Variants in KCNIP4 observed in about 807,000 individuals in gnomAD.
The protein encoded by KCNIP4 is potassium voltage-gated channel interacting protein 4.
A neutral mutation model predicts 34.0 loss-of-function variants in KCNIP4; 12 were observed. The observed-to-expected ratio is 0.35, with a 90% CI of 0.23 to 0.57. The LOEUF is 0.57. Ranked by LOEUF, KCNIP4 falls within the 20% of genes least tolerant of loss-of-function variation. The pLI is 0.83. For missense variants in KCNIP4, 238 were observed against 311.7 expected, an observed-to-expected ratio of 0.76 and a Z score of 1.78; for synonymous variants, 124 against 102.2, an observed-to-expected ratio of 1.21 and a Z score of -1.29.
intron 1 of KCNIP4, among the ~76,000 whole-genome samples, chr4:21,748,745 TG>T (rs1481854336): frequency 6.6e-6 from 1 of 152,132 alleles, no homozygotes; most frequent in Non-Finnish European, 1.5e-5. Flanking sequence ...TCATCTGAAC[TG>T]GCAAAGAAAA....
At chr4:21,071,175 G>A (rs1423653974) in intron 1 of KCNIP4, among the ~76,000 whole-genome samples, 1 of 152,026 alleles carries the variant, frequency 6.6e-6, no homozygotes, top group East Asian at 1.9e-4. Flanking sequence ...ACAAGTCCCA[G>A]GTCCTGAAGA....
chr4:20,738,140 A>C (rs1309495285), intron 5 of KCNIP4, among the ~76,000 whole-genome samples: 1 of 152,106 alleles, frequency 6.6e-6, no homozygotes, highest in Non-Finnish European at 1.5e-5. Context: ...AAAAAAAAAA[A>C]AAAAATCCTT....
At chr4:20,944,160 A>G (rs1304810154) in intron 1 of KCNIP4, among the ~76,000 whole-genome samples, 3 of 152,206 alleles carry the variant, frequency 2.0e-5, no homozygotes, top group African/African-American at 7.2e-5. Flanking sequence ...CACATTGACC[A>G]TAGATAGCCC....
intron 3 of KCNIP4, among the ~76,000 whole-genome samples, chr4:20,800,096 A>G (rs1199084343): frequency 6.6e-6 from 1 of 152,224 alleles, no homozygotes; most frequent in Non-Finnish European, 1.5e-5. Flanking sequence ...TCTTGCCATA[A>G]TAACATACAT....
chr4:21,137,315 T>C (rs1201181435), intron 1 of KCNIP4, among the ~76,000 whole-genome samples: 2 of 152,194 alleles, frequency 1.3e-5, no homozygotes, highest in African/African-American at 2.4e-5. Flanking sequence ...TTTCCACAGA[T>C]GAAGAAGATG....
intron 1 of KCNIP4, among the ~76,000 whole-genome samples, chr4:21,460,110 A>T (rs1205286533): frequency 1.9e-5 from 2 of 105,408 alleles, no homozygotes; most frequent in Non-Finnish European, 4.4e-5. Context: ...CCCGCCCCCC[A>T]TCTCTTGTGT....
intron 1 of KCNIP4, among the ~76,000 whole-genome samples, chr4:21,259,382 G>C (rs1252336875): frequency 6.6e-6 from 1 of 152,090 alleles, no homozygotes; most frequent in African/African-American, 2.4e-5. Flanking sequence ...AAATACATCT[G>C]GTTAGAGTTT....
intron 1 of KCNIP4, among the ~76,000 whole-genome samples, chr4:21,206,239 A>G (rs1296499759): frequency 6.6e-6 from 1 of 152,236 alleles, no homozygotes; most frequent in East Asian, 1.9e-4. Context: ...TTAAAATGCC[A>G]GTATGAATAT....
At chr4:21,025,473 T>TGAGAGA (rs33926876) in intron 1 of KCNIP4, among the ~76,000 whole-genome samples, 1,829 of 95,070 alleles carry the variant, frequency 0.019, 43 homozygotes, top group African/African-American at 0.059. Flanking sequence ...TGAAAACAAC[T>TGAGAGA]GAGAGAGAGA....
intron 2 of KCNIP4, among the ~76,000 whole-genome samples, chr4:20,864,053 T>TATGC (rs1553908233): frequency 4.8e-5 from 6 of 125,440 alleles, no homozygotes; most frequent in Non-Finnish European, 1.1e-4. Context: ...CGCATGTATG[T>TATGC]ATACACATGT....
At chr4:21,219,582 A>G (rs1484544865) in intron 1 of KCNIP4, among the ~76,000 whole-genome samples, 1 of 152,228 alleles carries the variant, frequency 6.6e-6, no homozygotes, top group African/African-American at 2.4e-5. Flanking sequence ...CCAATTATAC[A>G]TTCTCAAATT....
At chr4:21,802,559 C>T (rs985961062) in intron 1 of KCNIP4, among the ~76,000 whole-genome samples, 4 of 151,972 alleles carry the variant, frequency 2.6e-5, no homozygotes, top group Non-Finnish European at 5.9e-5. Context: ...ATAATAGAAA[C>T]AGATCTGGGG....
chr4:21,602,268 T>C (rs1386680324), intron 1 of KCNIP4, among the ~76,000 whole-genome samples: 1 of 152,198 alleles, frequency 6.6e-6, no homozygotes, highest in East Asian at 1.9e-4. Flanking sequence ...AGCATCAAAC[T>C]GTTTCATAAC....
intron 3 of KCNIP4, among the ~76,000 whole-genome samples, chr4:20,776,008 A>G (rs1039168337): frequency 6.6e-6 from 1 of 152,192 alleles, no homozygotes; most frequent in Non-Finnish European, 1.5e-5. Context: ...TCTTCTGATA[A>G]AGGTCCAGAA....
At chr4:21,438,380 CTT>C (rs1383478388) in intron 1 of KCNIP4, among the ~76,000 whole-genome samples, 2 of 152,128 alleles carry the variant, frequency 1.3e-5, no homozygotes, top group African/African-American at 4.8e-5. Flanking sequence ...CTTTTTAAAA[CTT>C]AAGCCAATAC....
rs563752073 is a variant in KCNIP4 at position 21,005,176 on chromosome 4, CA to C, written c.62-122468del. On this transcript the variant is annotated intron_variant, in intron 1 of 8. Transcript: ENST00000382152. ...CAAACAAACAAAAACCCAATAAAAA[CA>C]GGGGTTCCCAGATTATAATGTTAGC... 2.0e-5 allele frequency among the ~76,000 whole-genome samples: 3 copies of C among 152,214 alleles called. No homozygotes were observed. The South Asian group carries it at 6.2e-4, about 32-fold the overall frequency.
intron 2 of KCNIP4, among the ~76,000 whole-genome samples, chr4:20,853,556 A>T (rs1187164839): frequency 3.3e-5 from 5 of 152,192 alleles, no homozygotes; most frequent in Non-Finnish European, 5.9e-5. Flanking sequence ...ATAACATTGG[A>T]AAAACCCTTT....
At chr4:21,276,318 T>C (rs1410528180) in intron 1 of KCNIP4, among the ~76,000 whole-genome samples, 1 of 152,064 alleles carries the variant, frequency 6.6e-6, no homozygotes, top group African/African-American at 2.4e-5. Flanking sequence ...CCACCCTGTT[T>C]GTGGTAGTTT....
intron 1 of KCNIP4, among the ~76,000 whole-genome samples, chr4:21,690,098 G>GTATATATATACATATATTA (rs1553921183): frequency 6.8e-6 from 1 of 146,026 alleles, no homozygotes; most frequent in Non-Finnish European, 1.5e-5. Flanking sequence ...ACATATATAT[G>GTATATATATACATATATTA]TATATATATA....
Sources: gnomAD v4.1 joint callset for allele counts (sites outside exome capture counted in the v4.1 genomes callset) on GRCh38, gnomAD v4.1.1 for gene constraint, MANE v1.5 for transcripts, NCBI Gene and HGNC (gene_info 2026-07-23, HGNC 2026-07-21) for gene names.